Variants in CEP41 observed in about 807,000 individuals in gnomAD.
CEP41 encodes the protein centrosomal protein 41.
In CEP41, 32 loss-of-function variants were observed where a neutral mutation model predicts 44.3. The ratio of observed to expected loss-of-function variants is 0.72; its 90% CI spans 0.54 to 0.97. The LOEUF is 0.97. Among genes scored for constraint, CEP41 ranks in the 50% least tolerant of loss-of-function variants. CEP41 has a pLI of 0.00. For synonymous variants in CEP41, 151 were observed against 168.5 expected (o/e 0.90, Z 0.80); for missense variants, 432 against 455.2 (o/e 0.95, Z 0.46).
intron 3 of CEP41, among the ~76,000 whole-genome samples, chr7:130,416,012 T>C (rs538019573): frequency 1.3e-5 from 2 of 152,306 alleles, no homozygotes; most frequent in Admixed American, 1.3e-4. Context: ...CATCTATTGG[T>C]TGGGGTTTCC....
At chr7:130,404,113 C>A (rs1247947845) in intron 6 of CEP41, among the ~76,000 whole-genome samples, 2 of 152,168 alleles carry the variant, frequency 1.3e-5, no homozygotes, top group African/African-American at 4.8e-5. Flanking sequence ...CAGCCACATT[C>A]AGCTTTAGAA....
chr7:130,417,370 T>C (rs1797368569), intron 2 of CEP41: 5 of 1,088,776 alleles, frequency 4.6e-6, no homozygotes, highest in South Asian at 5.5e-5. Context: ...TCTTTGAGTG[T>C]CTAAAATGTG....
intron 8 of CEP41, 166 bp from the exon 9 acceptor site, chr7:130,400,987 T>C (rs73484537): frequency 7.2e-5 from 46 of 634,642 alleles, no homozygotes; most frequent in Non-Finnish European, 1.3e-4. Context: ...TTTCCCATCA[T>C]GGAAACCACA....
At position 130,408,550 on chromosome 7, in the gene CEP41, G is replaced by C. The variant is rs1351251715; in HGVS notation, c.277+2572C>G. On this transcript the variant is annotated intron_variant, in intron 5 of 10. Transcript: ENST00000223208. ...TGTTAGATACTATTTTTCATCTATT[G>C]AACTGGAAAATATTTACAGAAATGA... 2.0e-5 allele frequency among the ~76,000 whole-genome samples: 3 copies of C among 152,108 alleles called. No homozygotes were observed. The East Asian group carries it at 5.8e-4, about 29-fold the overall frequency.
At chr7:130,419,253 A>G in intron 2 of CEP41, 2 of 985,370 alleles carry the variant, frequency 2.0e-6, no homozygotes, top group Non-Finnish European at 2.4e-6. Flanking sequence ...ATAGACATTC[A>G]TTCTATCCAA....
intron 1 of CEP41, among the ~76,000 whole-genome samples, chr7:130,428,667 A>G (rs1306038268): frequency 1.3e-5 from 2 of 150,888 alleles, no homozygotes; most frequent in African/African-American, 4.9e-5. Context: ...TAATCCCAGC[A>G]CTTTGGGAGG....
At chr7:130,423,699 G>A (rs1158572085) in intron 2 of CEP41, among the ~76,000 whole-genome samples, 1 of 152,226 alleles carries the variant, frequency 6.6e-6, no homozygotes, top group Non-Finnish European at 1.5e-5. Flanking sequence ...TCCAGTAAGT[G>A]TAAACAACCC....
At chr7:130,425,860 T>C (rs1200608026) in intron 2 of CEP41, among the ~76,000 whole-genome samples, 1 of 152,208 alleles carries the variant, frequency 6.6e-6, no homozygotes, top group Non-Finnish European at 1.5e-5. Flanking sequence ...TGGATGAATA[T>C]CTAGAAAATT....
intron 2 of CEP41, among the ~76,000 whole-genome samples, chr7:130,418,498 A>G (rs1554421355): frequency 6.6e-6 from 1 of 152,162 alleles, no homozygotes; most frequent in African/African-American, 2.4e-5. Flanking sequence ...TCTCATTCTT[A>G]AAATATTTTA....
intron 1 of CEP41, among the ~76,000 whole-genome samples, chr7:130,429,351 C>A (rs1562995104): frequency 6.6e-6 from 1 of 152,140 alleles, no homozygotes; most frequent in East Asian, 1.9e-4. Context: ...CTCCTTTGTG[C>A]TGCTGTCTGG....
At chr7:130,400,590 T>C (rs565908218) in intron 9 of CEP41, 117 bp downstream of exon 9, 38 of 759,790 alleles carry the variant, frequency 5.0e-5, no homozygotes, top group Non-Finnish European at 8.4e-5. Flanking sequence ...TCAGCCAGCA[T>C]GGCTTTTTCT....
At chr7:130,417,161 G>C (rs1797362546) in intron 2 of CEP41, 195 bp from the exon 3 acceptor site, 1 of 1,393,166 alleles carries the variant, frequency 7.2e-7, no homozygotes, top group Non-Finnish European at 9.3e-7. Context: ...CAGAGCCGAG[G>C]GAAATGTTTT....
In CEP41 at chr7:130,394,593, G is replaced by A. The variant is rs750154468; in HGVS notation, c.*4298C>T. ...TCTCTGGGTACTTCCTGTAGAGGGA[G>A]ATCTAAAAACCTCAGGGTTTTGAAT... On this transcript the variant is annotated 3_prime_UTR_variant, in exon 11 of 11. Coordinates refer to ENST00000223208, the MANE Select transcript of CEP41 (RefSeq NM_018718.3). 4 of 453,774 alleles carry A rather than the reference G, an allele frequency of 8.8e-6. No homozygotes were observed. Among genetic ancestry groups the A allele is most frequent in the Non-Finnish European group, 1.8e-5 (4 of 226,598 alleles). The allele number at this position is 453,774 out of a possible 1,614,324, so 28.1% of individuals were successfully genotyped here.
rs1796651804 is a variant in CEP41 at position 130,396,164 on chromosome 7, T to C, written c.*2727A>G. 1 of 453,944 alleles carries C rather than the reference T, an allele frequency of 2.2e-6. No homozygotes were observed. The allele number at this position is 453,944 out of a possible 1,614,324, so 28.1% of individuals were successfully genotyped here. On this transcript the variant is annotated 3_prime_UTR_variant, in exon 11 of 11. Coordinates refer to ENST00000223208, the MANE Select transcript of CEP41 (RefSeq NM_018718.3). ...AAGCATTTAAGGTATTATTTAAACT[T>C]TGGCCATCACTGCTGTTCAGGGTGC...
At chr7:130,417,374 A>T in intron 2 of CEP41, 1 of 1,083,188 alleles carries the variant, frequency 9.2e-7, no homozygotes, top group Non-Finnish European at 1.1e-6. Flanking sequence ...TGAGTGTCTA[A>T]AATGTGCCTT....
chr7:130,404,611 GA>G lies in CEP41; in HGVS notation c.374del (p.Phe125SerfsTer2). ...AGTCCCCTGCTCCTGCGTTGTTTAT[GA>G]ACTGCTCAGGGCTCGGCGACTGCTC... is the stretch of plus-strand genomic sequence containing the variant. ...PGEQSPSPEQ[F>X]INNAGAGDSS... On this transcript the variant is annotated frameshift_variant, in exon 6 of 11. Coordinates refer to ENST00000223208, the MANE Select transcript of CEP41 (RefSeq NM_018718.3). LOFTEE classifies it high-confidence loss of function. The G allele has an allele frequency of 6.2e-7, 1 of 1,613,806 alleles. No individual in the cohort carries two copies. The highest frequency in any genetic ancestry group is 1.1e-5 in the South Asian group (1 of 91,078).
At chr7:130,401,122 C>A in intron 8 of CEP41, 1 of 361,104 alleles carries the variant, frequency 2.8e-6, no homozygotes, top group South Asian at 2.6e-5. Context: ...ATTACAATCC[C>A]CATTTTACAG....
At chr7:130,440,095 CT>C (rs1413271102) in intron 1 of CEP41, among the ~76,000 whole-genome samples, 1 of 152,214 alleles carries the variant, frequency 6.6e-6, no homozygotes, top group African/African-American at 2.4e-5. Context: ...TCTCGGCTCA[CT>C]GGAACCTCCA....
Position 130,398,115 on chromosome 7 carries a change from C to T in CEP41, c.*776G>A, listed in dbSNP as rs374833862. On this transcript the variant is annotated 3_prime_UTR_variant, in exon 11 of 11. Coordinates refer to ENST00000223208, the MANE Select transcript of CEP41 (RefSeq NM_018718.3). ...TGATATACTGACCACAAGTGAGGGC[C>T]GCTTTGGTGGGCTTCAAGGGGCACA... is the stretch of plus-strand genomic sequence containing the variant. 62 of 454,030 alleles carry T rather than the reference C, an allele frequency of 1.4e-4. No individual in the cohort carries two copies. In the Middle Eastern group the frequency reaches 2.1e-3, roughly 15 times the overall value. 28.1% of individuals were successfully genotyped at this position (454,030 alleles called of 1,614,324 possible).
Sources: gnomAD v4.1 joint callset for allele counts (sites outside exome capture counted in the v4.1 genomes callset) on GRCh38, gnomAD v4.1.1 for gene constraint, MANE v1.5 for transcripts, NCBI Gene and HGNC (gene_info 2026-07-23, HGNC 2026-07-21) for gene names.